Variants in SUGCT observed in about 807,000 individuals in gnomAD.
SUGCT encodes the protein succinyl-CoA:glutarate CoA-transferase.
In SUGCT, 41 loss-of-function variants were observed where a neutral mutation model predicts 55.0. That is an observed-to-expected ratio of 0.74 (90% CI 0.58 to 0.97). The LOEUF (loss-of-function observed/expected upper bound fraction) is 0.97, where lower values mean the gene tolerates loss of function less well. Among genes scored for constraint, SUGCT ranks in the 50% least tolerant of loss-of-function variants. SUGCT has a pLI of 0.00. For synonymous variants in SUGCT, 187 were observed against 200.4 expected, an observed-to-expected ratio of 0.93 and a Z score of 0.56; for missense variants, 568 against 547.8, an observed-to-expected ratio of 1.04 and a Z score of -0.37.
intron 11 of SUGCT, among the ~76,000 whole-genome samples, chr7:40,478,158 T>C (rs1323867699): frequency 6.6e-6 from 1 of 152,106 alleles, no homozygotes; most frequent in African/African-American, 2.4e-5. Context: ...TACGCCACCA[T>C]GCCTGGCTAA....
At chr7:40,335,032 T>C (rs1039033795) in intron 9 of SUGCT, among the ~76,000 whole-genome samples, 1 of 152,228 alleles carries the variant, frequency 6.6e-6, no homozygotes, top group Non-Finnish European at 1.5e-5. Flanking sequence ...TTTCTTGTTT[T>C]TCTCAGGTTT....
chr7:40,999,508 G>A, the SUGCT span, among the ~76,000 whole-genome samples: 1 of 152,178 alleles, frequency 6.6e-6, no homozygotes, highest in Non-Finnish European at 1.5e-5. Flanking sequence ...TAGATTATAT[G>A]ACTTCGTGTT....
At chr7:40,467,537 T>G (rs997784851) in intron 11 of SUGCT, among the ~76,000 whole-genome samples, 2 of 152,216 alleles carry the variant, frequency 1.3e-5, no homozygotes, top group Admixed American at 1.3e-4. Flanking sequence ...CTAGGTCTTA[T>G]TCATTCTTTC....
intron 6 of SUGCT, among the ~76,000 whole-genome samples, chr7:40,196,313 A>G (rs1786289144): frequency 6.6e-6 from 1 of 152,174 alleles, no homozygotes; most frequent in Non-Finnish European, 1.5e-5. Context: ...AGAAAAATTC[A>G]TAATATTTTA....
At chr7:40,566,580 A>G (rs1796165542) in intron 12 of SUGCT, among the ~76,000 whole-genome samples, 1 of 152,248 alleles carries the variant, frequency 6.6e-6, no homozygotes, top group Non-Finnish European at 1.5e-5. Context: ...CTTGTCTGCT[A>G]CAAACCAGAA....
intron 12 of SUGCT, among the ~76,000 whole-genome samples, chr7:40,579,474 C>T (rs966219562): frequency 1.3e-5 from 2 of 152,168 alleles, no homozygotes; most frequent in African/African-American, 4.8e-5. Flanking sequence ...GGTCCAAGGA[C>T]AGAGCTGAGT....
chr7:40,921,798 G>A, the SUGCT span, among the ~76,000 whole-genome samples: 1 of 152,162 alleles, frequency 6.6e-6, no homozygotes. Flanking sequence ...AGAGGTTTGT[G>A]TGGGTGTGTG....
chr7:40,194,323 G>A (rs1322564574), intron 5 of SUGCT, among the ~76,000 whole-genome samples: 1 of 152,080 alleles, frequency 6.6e-6, no homozygotes, highest in Non-Finnish European at 1.5e-5. Context: ...GTGCAGTGGC[G>A]CCATCACGGC....
chr7:40,654,140 T>A (rs1800908233), intron 12 of SUGCT, among the ~76,000 whole-genome samples: 1 of 152,166 alleles, frequency 6.6e-6, no homozygotes, highest in Non-Finnish European at 1.5e-5. Flanking sequence ...TTTTTAAAAT[T>A]TTGATGTTAA....
intron 12 of SUGCT, among the ~76,000 whole-genome samples, chr7:40,664,239 A>T (rs1801487608): frequency 2.0e-5 from 3 of 152,362 alleles, no homozygotes; most frequent in East Asian, 3.9e-4. Flanking sequence ...CCAATGTAAC[A>T]CTGCAAAGCT....
chr7:40,361,560 C>T lies in SUGCT; in HGVS notation c.816+44705C>T, dbSNP rs145137563. ...CTGCACTCCAGCCTGGGCGACACAG[C>T]GAGACTCCATCTCAAAAAGAAAAAA... On this transcript the variant is annotated intron_variant, in intron 9 of 13. Transcript: ENST00000335693. 1.1e-4 allele frequency among the ~76,000 whole-genome samples: 17 copies of T among 150,090 alleles called. No homozygotes were observed. The East Asian group carries it at 2.9e-3, about 26-fold the overall frequency.
intron 9 of SUGCT, among the ~76,000 whole-genome samples, chr7:40,361,980 C>A (rs938933367): frequency 1.3e-5 from 2 of 151,842 alleles, no homozygotes. Context: ...GAAGAAATTA[C>A]AGGAAAGAAT....
At chr7:40,464,382 C>T (rs1789985734) in intron 11 of SUGCT, among the ~76,000 whole-genome samples, 1 of 152,118 alleles carries the variant, frequency 6.6e-6, no homozygotes, top group African/African-American at 2.4e-5. Context: ...AGAGAAGGAG[C>T]AACTCCTTTA....
chr7:40,986,073 A>G, the SUGCT span, among the ~76,000 whole-genome samples: 1 of 152,218 alleles, frequency 6.6e-6, no homozygotes, highest in African/African-American at 2.4e-5. Flanking sequence ...ATTTTACACA[A>G]CATGAGCCGA....
the SUGCT span, among the ~76,000 whole-genome samples, chr7:40,973,124 A>G: frequency 9.0e-4 from 137 of 152,302 alleles, no homozygotes; most frequent in African/African-American, 3.0e-3. Context: ...TGGTGGAAAC[A>G]GGAATGCTTA....
chr7:40,431,509 A>G (rs1039616175), intron 9 of SUGCT, among the ~76,000 whole-genome samples: 2 of 152,252 alleles, frequency 1.3e-5, no homozygotes, highest in Non-Finnish European at 2.9e-5. Context: ...TTTTATTGAA[A>G]TCTGTATATT....
intron 1 of SUGCT, among the ~76,000 whole-genome samples, chr7:40,157,773 T>G (rs904029677): frequency 6.6e-6 from 1 of 152,216 alleles, no homozygotes; most frequent in Non-Finnish European, 1.5e-5. Flanking sequence ...ATTAGCTCAC[T>G]CGTTGATAGG....
At chr7:40,936,944 C>A in the SUGCT span, among the ~76,000 whole-genome samples, 2 of 152,056 alleles carry the variant, frequency 1.3e-5, no homozygotes, top group Admixed American at 6.6e-5. Context: ...AATTTCATTT[C>A]TTTGTATGTC....
intron 12 of SUGCT, among the ~76,000 whole-genome samples, chr7:40,510,618 A>G (rs1165054762): frequency 6.6e-6 from 1 of 152,186 alleles, no homozygotes; most frequent in Non-Finnish European, 1.5e-5. Flanking sequence ...TCACAAAATG[A>G]TAGGAACATG....
Sources: gnomAD v4.1 joint callset for allele counts (sites outside exome capture counted in the v4.1 genomes callset) on GRCh38, gnomAD v4.1.1 for gene constraint, MANE v1.5 for transcripts, NCBI Gene and HGNC (gene_info 2026-07-23, HGNC 2026-07-21) for gene names.